The following FAM184A variants were observed in gnomAD, a reference collection of about 807,000 sequenced individuals.
FAM184A encodes family with sequence similarity 184 member A, also known as protein FAM184A.
A neutral mutation model predicts 143.8 loss-of-function variants in FAM184A; 99 were observed. The observed-to-expected ratio is 0.69, with a 90% CI of 0.58 to 0.81. The LOEUF (loss-of-function observed/expected upper bound fraction) is 0.81, where lower values mean the gene tolerates loss of function less well. Ranked by LOEUF, FAM184A falls within the 40% of genes least tolerant of loss-of-function variation. The pLI, the probability that FAM184A is intolerant of heterozygous loss-of-function variation, is 0.00. For synonymous variants in FAM184A, 427 were observed against 446.4 expected, an observed-to-expected ratio of 0.96 and a Z score of 0.55; for missense variants, 1,217 against 1,310.5, an observed-to-expected ratio of 0.93 and a Z score of 1.10.
At chr6:118,993,291 T>C (rs1784435797) in intron 9 of FAM184A, among the ~76,000 whole-genome samples, 1 of 152,220 alleles carries the variant, frequency 6.6e-6, no homozygotes, top group Non-Finnish European at 1.5e-5. Context: ...AGGATAGATA[T>C]AATGAGACGT....
chr6:119,120,614 G>A (rs537519144), intron 1 of FAM184A, among the ~76,000 whole-genome samples: 47 of 152,210 alleles, frequency 3.1e-4, no homozygotes, highest in African/African-American at 6.0e-4. Flanking sequence ...TTACAATCCC[G>A]CTAACAACGT....
chr6:118,961,151 T>C (rs980397219), intron 17 of FAM184A, among the ~76,000 whole-genome samples: 6 of 152,068 alleles, frequency 3.9e-5, no homozygotes, highest in Non-Finnish European at 1.5e-5. Context: ...AATGGCTAAA[T>C]TTCTAATGAA....
intron 1 of FAM184A, among the ~76,000 whole-genome samples, chr6:119,057,150 C>T: frequency 6.6e-6 from 1 of 152,140 alleles, no homozygotes; most frequent in Non-Finnish European, 1.5e-5. Context: ...TGCCCAAATA[C>T]ACACATACAC....
intron 7 of FAM184A, among the ~76,000 whole-genome samples, chr6:119,004,091 T>C (rs1784851925): frequency 6.6e-6 from 1 of 152,230 alleles, no homozygotes; most frequent in Non-Finnish European, 1.5e-5. Flanking sequence ...CTACTGTTTT[T>C]ATTATGTAAC....
chr6:119,148,954 C>G (rs1454984991), intron 1 of FAM184A: 2 of 152,148 alleles, frequency 1.3e-5, no homozygotes, highest in Non-Finnish European at 2.9e-5. Context: ...GCACGCATCC[C>G]ACCGCCCAAT....
chr6:119,096,241 GC>G (rs1341734889), intron 1 of FAM184A, among the ~76,000 whole-genome samples: 1 of 152,094 alleles, frequency 6.6e-6, no homozygotes, highest in African/African-American at 2.4e-5. Context: ...TTTCTTCACT[GC>G]TCCTGGCATG....
At chr6:119,037,081 T>C (rs1175951021) in intron 1 of FAM184A, among the ~76,000 whole-genome samples, 1 of 152,218 alleles carries the variant, frequency 6.6e-6, no homozygotes, top group Non-Finnish European at 1.5e-5. Flanking sequence ...AAAAACTTCC[T>C]AGTTATTAAT....
chr6:119,006,653 A>C, intron 6 of FAM184A, 45 bp from the exon 7 acceptor site: 2 of 1,377,332 alleles, frequency 1.5e-6, no homozygotes, highest in Non-Finnish European at 2.0e-6. Context: ...TTGTAATAGA[A>C]TAGCAAAATA....
intron 1 of FAM184A, among the ~76,000 whole-genome samples, chr6:119,048,803 T>A (rs1027566686): frequency 2.0e-5 from 3 of 151,448 alleles, no homozygotes; most frequent in African/African-American, 7.3e-5. Context: ...AGTGGGGGAC[T>A]GGTTGAAAGA....
chr6:118,971,408 A>T (rs1281430368), intron 14 of FAM184A, among the ~76,000 whole-genome samples: 1 of 152,212 alleles, frequency 6.6e-6, no homozygotes, highest in Admixed American at 6.5e-5. Context: ...AGAAGAAATC[A>T]TCTTTTGTGA....
intron 1 of FAM184A, among the ~76,000 whole-genome samples, chr6:119,068,858 G>A (rs934262171): frequency 1.3e-5 from 2 of 152,142 alleles, no homozygotes; most frequent in Admixed American, 6.5e-5. Context: ...TATCAGTATA[G>A]TTTCTTTATC....
intron 1 of FAM184A, among the ~76,000 whole-genome samples, chr6:119,034,675 A>T (rs940423230): frequency 1.3e-5 from 2 of 151,082 alleles, no homozygotes; most frequent in African/African-American, 4.9e-5. Flanking sequence ...ATATTTTTAT[A>T]GTCTTTATTT....
chr6:118,962,780 T>C (rs901312693), intron 16 of FAM184A: 4 of 152,264 alleles, frequency 2.6e-5, no homozygotes, highest in African/African-American at 7.2e-5. Flanking sequence ...TCTCAAAGTA[T>C]TTTATTCACA....
chr6:119,142,354 G>A (rs1772274094), intron 1 of FAM184A, among the ~76,000 whole-genome samples: 1 of 152,168 alleles, frequency 6.6e-6, no homozygotes, highest in Non-Finnish European at 1.5e-5. Context: ...GGAGGATAAC[G>A]CAATGCAGCA....
In FAM184A at chr6:118,959,806, CGTA is replaced by C. The variant is rs1783261548; in HGVS notation, c.*294_*296del. 1 of 115,152 alleles carries C rather than the reference CGTA, an allele frequency of 8.7e-6. No homozygotes were observed. The highest frequency in any genetic ancestry group is 3.8e-4 in the South Asian group (1 of 2,630). The allele number at this position is 115,152 out of a possible 1,614,324, so 7.1% of individuals were successfully genotyped here. On this transcript the variant is annotated 3_prime_UTR_variant, in exon 18 of 18. Coordinates refer to ENST00000338891, the MANE Select transcript of FAM184A (RefSeq NM_024581.6). ...AAAAATATTTAAAAATTAAAGCAAA[CGTA>C]GAAAAAAATAAAAAGCATTGTTTGA...
At chr6:118,986,925 ATGTT>A (rs1157977248) in intron 9 of FAM184A, among the ~76,000 whole-genome samples, 12 of 152,316 alleles carry the variant, frequency 7.9e-5, no homozygotes, top group Admixed American at 7.8e-4. Flanking sequence ...ACTGAGATAA[ATGTT>A]TGTTGTTTCT....
chr6:118,991,889 A>C (rs1294489830), intron 9 of FAM184A, among the ~76,000 whole-genome samples: 1 of 149,018 alleles, frequency 6.7e-6, no homozygotes, highest in Non-Finnish European at 1.5e-5. Flanking sequence ...CAGCCTCCCA[A>C]GTAGCTGGGA....
At chr6:119,138,056 T>C (rs1358483954) in intron 1 of FAM184A, among the ~76,000 whole-genome samples, 1 of 152,238 alleles carries the variant, frequency 6.6e-6, no homozygotes, top group Admixed American at 6.5e-5. Flanking sequence ...AGTTCTTTTA[T>C]GCCATGAGTG....
chr6:118,981,169 T>G (rs1373844867), intron 9 of FAM184A, among the ~76,000 whole-genome samples: 1 of 152,180 alleles, frequency 6.6e-6, no homozygotes, highest in South Asian at 2.1e-4. Flanking sequence ...TACTTAAAAT[T>G]AAGTATTTTG....
Sources: gnomAD v4.1 joint callset for allele counts (sites outside exome capture counted in the v4.1 genomes callset) on GRCh38, gnomAD v4.1.1 for gene constraint, MANE v1.5 for transcripts, NCBI Gene and HGNC (gene_info 2026-07-23, HGNC 2026-07-21) for gene names.